PTPRD: variants seen among roughly 807,000 people sequenced by gnomAD.
PTPRD encodes the protein receptor-type tyrosine-protein phosphatase delta.
In PTPRD, 34 loss-of-function variants were observed where a neutral mutation model predicts 214.5. The ratio of observed to expected loss-of-function variants is 0.16; its 90% confidence interval spans 0.12 to 0.21. The LOEUF (loss-of-function observed/expected upper bound fraction) is 0.21. Ranked by LOEUF, PTPRD falls within the 10% of genes least tolerant of loss-of-function variation. PTPRD has a pLI of 1.00. For missense variants in PTPRD, 2,545 were observed against 2,398.7 expected (o/e 1.06, Z -1.27); for synonymous variants, 1,128 against 845.7 (o/e 1.33, Z -5.79).
chr9:9,072,065 G>A (rs1198452268), intron 10 of PTPRD, among the ~76,000 whole-genome samples: 1 of 152,084 alleles, frequency 6.6e-6, no homozygotes, highest in South Asian at 2.1e-4. Flanking sequence ...ATTTGCAGAT[G>A]TTTGATTTTG....
chr9:8,818,225 C>T (rs141085718), intron 11 of PTPRD, among the ~76,000 whole-genome samples: 1 of 152,100 alleles, frequency 6.6e-6, no homozygotes, highest in Non-Finnish European at 1.5e-5. Flanking sequence ...AAATTGTATA[C>T]CTCATCCTAA....
chr9:10,598,502 A>T (rs2077120654), intron 2 of PTPRD, among the ~76,000 whole-genome samples: 1 of 151,726 alleles, frequency 6.6e-6, no homozygotes, highest in South Asian at 2.1e-4. Flanking sequence ...AAATTATCCA[A>T]AAAGCCAGTC....
At chr9:8,522,295 C>T (rs2097907069) in intron 19 of PTPRD, among the ~76,000 whole-genome samples, 1 of 151,898 alleles carries the variant, frequency 6.6e-6, no homozygotes, top group African/African-American at 2.4e-5. Context: ...GCAATGACCG[C>T]AGAAGAAATA....
intron 2 of PTPRD, among the ~76,000 whole-genome samples, chr9:10,531,063 C>T (rs981375877): frequency 2.0e-5 from 3 of 152,126 alleles, no homozygotes; most frequent in East Asian, 1.9e-4. Flanking sequence ...AATTCTCCTG[C>T]GTAAGCCTTC....
chr9:9,345,561 G>C (rs115560623), intron 9 of PTPRD, among the ~76,000 whole-genome samples: 1,677 of 152,082 alleles, frequency 0.011, 30 homozygotes, highest in African/African-American at 0.039. Context: ...TGCTTTCTTA[G>C]AATCTATGAC....
intron 8 of PTPRD, among the ~76,000 whole-genome samples, chr9:9,469,796 T>G (rs572818208): frequency 3.3e-5 from 5 of 152,190 alleles, no homozygotes; most frequent in African/African-American, 1.2e-4. Flanking sequence ...ATATATTATA[T>G]GCAAATTGAC....
intron 4 of PTPRD, among the ~76,000 whole-genome samples, chr9:9,960,540 T>A (rs1285889070): frequency 6.6e-6 from 1 of 152,024 alleles, no homozygotes; most frequent in Non-Finnish European, 1.5e-5. Flanking sequence ...AAGGCCAGTA[T>A]CAATATGATA....
chr9:10,033,872 A>C (rs571083600), intron 3 of PTPRD, 82 bp from the exon 4 acceptor site: 1 of 152,116 alleles, frequency 6.6e-6, no homozygotes, highest in Non-Finnish European at 1.5e-5. Context: ...TTGATCAGAT[A>C]AAAAAGGAAA....
At chr9:8,545,466 G>A (rs2079809341) in intron 14 of PTPRD, among the ~76,000 whole-genome samples, 1 of 152,132 alleles carries the variant, frequency 6.6e-6, no homozygotes. Flanking sequence ...ATGAATTGCA[G>A]GACATGAGGT....
At chr9:8,598,943 A>C (rs1292716445) in intron 14 of PTPRD, among the ~76,000 whole-genome samples, 1 of 152,174 alleles carries the variant, frequency 6.6e-6, no homozygotes, top group Non-Finnish European at 1.5e-5. Context: ...CAAAGGTTGA[A>C]CTTTAACTGA....
At chr9:10,530,495 G>T (rs1298548037) in intron 2 of PTPRD, among the ~76,000 whole-genome samples, 1 of 151,972 alleles carries the variant, frequency 6.6e-6, no homozygotes, top group Admixed American at 6.6e-5. Flanking sequence ...CACTTACCAC[G>T]TTTTGAATGC....
intron 5 of PTPRD, among the ~76,000 whole-genome samples, chr9:9,931,681 G>A (rs1436770599): frequency 2.0e-5 from 3 of 151,180 alleles, no homozygotes. Flanking sequence ...GGCGTGCTTA[G>A]GTAAACAAAG....
chr9:8,643,998 G>C (rs535794590), intron 12 of PTPRD, among the ~76,000 whole-genome samples: 1 of 152,148 alleles, frequency 6.6e-6, no homozygotes, highest in African/African-American at 2.4e-5. Context: ...TTCTGGGACC[G>C]CCCATGGCTG....
chr9:9,535,803 T>G (rs2076394370), intron 8 of PTPRD, among the ~76,000 whole-genome samples: 1 of 152,102 alleles, frequency 6.6e-6, no homozygotes, highest in African/African-American at 2.4e-5. Context: ...ACCACTTCAG[T>G]GTATAAAGAG....
chr9:9,308,770 T>G (rs1957943404), intron 9 of PTPRD, among the ~76,000 whole-genome samples: 1 of 152,202 alleles, frequency 6.6e-6, no homozygotes, highest in Non-Finnish European at 1.5e-5. Context: ...AAACATAATG[T>G]ATTCTACAGA....
At chr9:9,637,824 AC>A (rs765910175) in intron 7 of PTPRD, among the ~76,000 whole-genome samples, 2 of 151,572 alleles carry the variant, frequency 1.3e-5, no homozygotes, top group African/African-American at 2.4e-5. Flanking sequence ...TGGCAGTTCC[AC>A]CCCTGCAGTA....
chr9:10,136,236 A>C (rs2098942386), intron 3 of PTPRD, among the ~76,000 whole-genome samples: 1 of 152,134 alleles, frequency 6.6e-6, no homozygotes. Context: ...TTCATAAAAC[A>C]AGTACTTCTT....
intron 11 of PTPRD, among the ~76,000 whole-genome samples, chr9:8,911,248 A>G (rs989491404): frequency 2.6e-5 from 4 of 152,358 alleles, no homozygotes; most frequent in South Asian, 2.1e-4. Context: ...GAAGAGACAT[A>G]TAGACCATTA....
chr9:10,490,045 T>C (rs934364830), intron 2 of PTPRD, among the ~76,000 whole-genome samples: 5 of 152,172 alleles, frequency 3.3e-5, no homozygotes, highest in African/African-American at 9.7e-5. Flanking sequence ...GGTGTCCTTG[T>C]CAGGGAAGAG....
Sources: allele counts gnomAD v4.1 joint callset (sites outside exome capture counted in the v4.1 genomes callset), GRCh38; gene constraint gnomAD v4.1.1; transcripts MANE v1.5; gene names NCBI Gene and HGNC (gene_info 2026-07-23, HGNC 2026-07-21).